UVSSA: variants seen among roughly 807,000 people sequenced by gnomAD.
UVSSA encodes UV-stimulated scaffold protein A.
Under a neutral mutation model 73.9 loss-of-function variants are expected in UVSSA, and 72 were observed. That is an observed-to-expected ratio of 0.97 (90% CI 0.81 to 1.19). The LOEUF (loss-of-function observed/expected upper bound fraction) is 1.19, where lower values mean the gene tolerates loss of function less well. Among genes scored for constraint, UVSSA ranks in the 50% most tolerant of loss-of-function variants. The pLI, the probability that UVSSA is intolerant of heterozygous loss-of-function variation, is 0.00. For missense variants in UVSSA, 1,150 were observed against 965.0 expected, an observed-to-expected ratio of 1.19 and a Z score of -2.54; for synonymous variants, 454 against 391.3, an observed-to-expected ratio of 1.16 and a Z score of -1.89.
chr4:1,387,944 CAAAAAA>C lies in UVSSA; in HGVS notation c.*1993_*1998del, dbSNP rs768607683. ...TTTAGGATCCACTCATCAGTTTCTT[CAAAAAA>C]AAAAAAAAAGCAGCTGAGATTTTTG... On this transcript the variant is annotated 3_prime_UTR_variant, in exon 14 of 14. Transcript: ENST00000389851. The C allele has an allele frequency of 2.8e-5, 3 of 105,522 alleles. No homozygotes were observed. Among genetic ancestry groups the C allele is most frequent in the African/African-American group, 1.0e-4 (3 of 28,610 alleles). 6.5% of individuals were successfully genotyped at this position (105,522 alleles called of 1,614,324 possible).
chr4:1,342,605 A>G (rs1296984218), upstream of UVSSA, among the ~76,000 whole-genome samples: 2 of 152,204 alleles, frequency 1.3e-5, no homozygotes, highest in Non-Finnish European at 2.9e-5. Flanking sequence ...TATATCTTCC[A>G]GAAGATTCAG....
intron 10 of UVSSA, among the ~76,000 whole-genome samples, chr4:1,376,384 C>T (rs1192386769): frequency 6.6e-6 from 1 of 152,190 alleles, no homozygotes; most frequent in East Asian, 1.9e-4. Context: ...AGCCTTTCTG[C>T]TGCTGTGTCG....
At chr4:1,359,719 C>A (rs1163248557) in intron 7 of UVSSA, among the ~76,000 whole-genome samples, 1 of 152,144 alleles carries the variant, frequency 6.6e-6, no homozygotes, top group Non-Finnish European at 1.5e-5. Flanking sequence ...GTCGTCCCCC[C>A]GACTCTGTGG....
Sources: allele counts gnomAD v4.1 joint callset (sites outside exome capture counted in the v4.1 genomes callset), GRCh38; gene constraint gnomAD v4.1.1; transcripts MANE v1.5; gene names NCBI Gene and HGNC (gene_info 2026-07-23, HGNC 2026-07-21).